Variants in QTGAL observed in about 807,000 individuals in gnomAD.
QTGAL encodes the protein BGnT-like protein 1.
chr17:83,023,096 A>G, the QTGAL span, among the ~76,000 whole-genome samples: 10 of 59,584 alleles, frequency 1.7e-4, no homozygotes, highest in East Asian at 4.7e-4. Flanking sequence ...CACCTGCACC[A>G]GCGTGAACTC....
the QTGAL span, chr17:82,945,896 CTG>C: frequency 6.6e-6 from 1 of 152,210 alleles, no homozygotes; most frequent in Non-Finnish European, 1.5e-5. Flanking sequence ...AAGCAATAAA[CTG>C]TGACCATAAA....
chr17:83,044,809 G>A, the QTGAL span, among the ~76,000 whole-genome samples: 57,291 of 152,096 alleles, frequency 0.38, 11,297 homozygotes, highest in East Asian at 0.58. Flanking sequence ...AGCTGGTTGT[G>A]GTGGCGCACG....
At chr17:82,986,835 A>G in the QTGAL span, among the ~76,000 whole-genome samples, 1 of 152,230 alleles carries the variant, frequency 6.6e-6, no homozygotes, top group Non-Finnish European at 1.5e-5. Flanking sequence ...GTTGGGGCGT[A>G]TTACTCCCAC....
At chr17:83,006,920 G>T in the QTGAL span, 1 of 742,438 alleles carries the variant, frequency 1.3e-6, no homozygotes, top group Non-Finnish European at 1.6e-6. This position sits in a 1 kb window ranked among gnomAD's most constrained non-coding sequence, Gnocchi z 5.8. Flanking sequence ...ACAGTCTCCA[G>T]AGTGGTTGCG....
the QTGAL span, chr17:82,965,620 G>A: frequency 6.4e-7 from 1 of 1,557,760 alleles, no homozygotes; most frequent in African/African-American, 1.4e-5. Flanking sequence ...GAACCTGGGG[G>A]AGGGACCTGA....
At chr17:82,943,000 T>TG in the QTGAL span, 2 of 170,162 alleles carry the variant, frequency 1.2e-5, no homozygotes, top group Non-Finnish European at 2.5e-5. Flanking sequence ...GTCTGCCTGG[T>TG]GGGGGTGCTG....
At chr17:82,965,650 C>A in the QTGAL span, 1 of 1,605,606 alleles carries the variant, frequency 6.2e-7, no homozygotes, top group Non-Finnish European at 8.5e-7. Context: ...TCGGCCCTTA[C>A]CTGACCTCCC....
chr17:83,051,612 C>T, the QTGAL span: 14 of 1,012,484 alleles, frequency 1.4e-5, no homozygotes, highest in Non-Finnish European at 1.9e-5. Flanking sequence ...GGCGGAGACC[C>T]CGTAGGTGAG....
the QTGAL span, among the ~76,000 whole-genome samples, chr17:83,029,099 C>T: frequency 7.0e-4 from 107 of 152,278 alleles, 1 homozygote; most frequent in East Asian, 0.018. Flanking sequence ...CAGGCCGTTC[C>T]GAGGGACAGA....
At chr17:83,032,063 C>A in the QTGAL span, among the ~76,000 whole-genome samples, 2 of 152,144 alleles carry the variant, frequency 1.3e-5, no homozygotes, top group African/African-American at 2.4e-5. Flanking sequence ...CGACGCAGAC[C>A]GAACTCGGGA....
chr17:83,031,410 C>T, the QTGAL span, among the ~76,000 whole-genome samples: 1 of 151,898 alleles, frequency 6.6e-6, no homozygotes, highest in Admixed American at 6.6e-5. Context: ...GCCAGAGCAC[C>T]CACGGGTCCC....
At chr17:82,985,741 C>T in the QTGAL span, among the ~76,000 whole-genome samples, 3 of 152,308 alleles carry the variant, frequency 2.0e-5, no homozygotes, top group Admixed American at 1.3e-4. Flanking sequence ...CAGGGTTGAT[C>T]GGAGGCCAAA....
chr17:82,951,275 G>A, the QTGAL span, among the ~76,000 whole-genome samples: 63 of 152,268 alleles, frequency 4.1e-4, no homozygotes, highest in Middle Eastern at 0.01. Flanking sequence ...CATTGTGACC[G>A]TAGCATGATC....
the QTGAL span, among the ~76,000 whole-genome samples, chr17:83,021,286 C>A: frequency 0.59 from 89,911 of 151,768 alleles, 26,812 homozygotes; most frequent in South Asian, 0.65. Context: ...GGGTAAAAGG[C>A]TCCTTATTCA....
At chr17:82,954,218 A>G in the QTGAL span, among the ~76,000 whole-genome samples, 1 of 152,234 alleles carries the variant, frequency 6.6e-6, no homozygotes, top group African/African-American at 2.4e-5. Flanking sequence ...CTGTTTGCAG[A>G]TGACATGATT....
At chr17:83,051,214 G>A in the QTGAL span, among the ~76,000 whole-genome samples, 5 of 148,448 alleles carry the variant, frequency 3.4e-5, no homozygotes, top group Non-Finnish European at 7.5e-5. Context: ...AGGTGCGTAA[G>A]AGCGAGGCAG....
chr17:82,944,865 A>G, the QTGAL span: 109,339 of 152,080 alleles, frequency 0.72, 39,733 homozygotes, highest in South Asian at 0.84. Flanking sequence ...CTAATGGACC[A>G]CTATATAAAG....
At chr17:82,942,256 C>A in the QTGAL span, 1 of 681,880 alleles carries the variant, frequency 1.5e-6, no homozygotes, top group Non-Finnish European at 2.5e-6. Context: ...GGGTGCCCTT[C>A]CGAGGACACG....
the QTGAL span, among the ~76,000 whole-genome samples, chr17:83,026,992 C>T: frequency 1.8e-5 from 2 of 109,250 alleles, no homozygotes. Flanking sequence ...AACCCACCCT[C>T]GACAGACACA....
Sources: allele counts gnomAD v4.1 joint callset (sites outside exome capture counted in the v4.1 genomes callset), GRCh38; gene constraint gnomAD v4.1.1; non-coding constraint Gnocchi (gnomAD v3.1); transcripts MANE v1.5; gene names NCBI Gene and HGNC (gene_info 2026-07-23, HGNC 2026-07-21).